GC: variants seen among roughly 807,000 people sequenced by gnomAD.
The protein encoded by GC is GC vitamin D binding protein.
A neutral mutation model predicts 56.7 loss-of-function variants in GC; 43 were observed. The observed-to-expected ratio is 0.76, with a 90% CI of 0.59 to 0.98. The LOEUF (loss-of-function observed/expected upper bound fraction) is 0.98. Ranked by LOEUF, GC falls within the 50% of genes least tolerant of loss-of-function variation. GC has a pLI of 0.00. For synonymous variants in GC, 216 were observed against 202.7 expected, an observed-to-expected ratio of 1.07 and a Z score of -0.56; for missense variants, 529 against 545.9, an observed-to-expected ratio of 0.97 and a Z score of 0.31.
chr4:71,779,437 A>C (rs904787705), intron 1 of GC, among the ~76,000 whole-genome samples: 1 of 151,852 alleles, frequency 6.6e-6, no homozygotes, highest in Admixed American at 6.6e-5. Context: ...AGCTATGAGA[A>C]TATCTGGACA....
At chr4:71,802,251 C>T (rs1183694572) in intron 1 of GC, among the ~76,000 whole-genome samples, 16 of 152,194 alleles carry the variant, frequency 1.1e-4, no homozygotes, top group Non-Finnish European at 4.4e-5. Context: ...TTAATCAATG[C>T]AATTAGTGCT....
chr4:71,767,732 G>A (rs113674003), intron 3 of GC, among the ~76,000 whole-genome samples: 2 of 151,510 alleles, frequency 1.3e-5, no homozygotes, highest in South Asian at 4.2e-4. Context: ...TTCTTTAGGG[G>A]TGATTTCTGA....
Position 71,755,037 on chromosome 4 carries a change from G to A in GC, c.1105C>T (p.Leu369=). The A allele has an allele frequency of 1.2e-6, 2 of 1,600,576 alleles. No homozygotes were observed. Among genetic ancestry groups the A allele is most frequent in the East Asian group, 2.2e-5 (1 of 44,582 alleles). ...VFLSKVLEPT[L]KSLGECCDVE... is the part of the protein sequence containing the mutation. ...TCACAGCATTCACCAAGGCTTTTTA[G>A]GGTTGGCTCAAGTACCTTACTGAGG... is the stretch of plus-strand genomic sequence containing the variant. Residue 369 remains leucine, a synonymous_variant, in exon 9 of 13, where the codon CTA becomes TTA. Coordinates refer to ENST00000273951, the MANE Select transcript of GC (RefSeq NM_000583.4).
chr4:71,753,369 G>A (rs1257244492), intron 10 of GC, among the ~76,000 whole-genome samples: 1 of 152,106 alleles, frequency 6.6e-6, no homozygotes, highest in Non-Finnish European at 1.5e-5. Context: ...AAGAGTGGAT[G>A]CTGGGAAGGG....
intron 1 of GC, among the ~76,000 whole-genome samples, chr4:71,774,887 T>G (rs1007903164): frequency 6.6e-6 from 1 of 152,016 alleles, no homozygotes; most frequent in African/African-American, 2.4e-5. Flanking sequence ...GTCCATGAGT[T>G]AGAGAATTAC....
At chr4:71,750,958 A>G (rs1741536539) in intron 11 of GC, among the ~76,000 whole-genome samples, 1 of 152,176 alleles carries the variant, frequency 6.6e-6, no homozygotes, top group Admixed American at 6.5e-5. Context: ...CATTTAACCT[A>G]AGTATCATTT....
intron 6 of GC, among the ~76,000 whole-genome samples, chr4:71,759,951 C>G (rs1366953313): frequency 6.6e-6 from 1 of 151,874 alleles, no homozygotes; most frequent in Non-Finnish European, 1.5e-5. Context: ...ACTACTATCT[C>G]TACGTAAAAG....
chr4:71,756,756 T>A lies in GC; in HGVS notation c.990A>T (p.Thr330=). Residue 330 remains threonine (T), a synonymous_variant, in exon 8 of 13, where the codon ACA becomes ACT. Transcript: ENST00000273951. ...TTCCTGGATCACACACATCTTTGTT[T>A]GTGGGCAACTCTACATCTGGAAGCT... ...LPELPDVELP[T]NKDVCDPGNT... is the part of the protein sequence containing the mutation. 1 of 1,613,972 alleles carries A rather than the reference T, an allele frequency of 6.2e-7. No individual in the cohort carries two copies. Among genetic ancestry groups the A allele is most frequent in the Non-Finnish European group, 8.5e-7 (1 of 1,179,900 alleles).
Position 71,765,476 on chromosome 4 carries a change from TTCA to T in GC, c.426_428del (p.Asp142del), listed in dbSNP as rs748592150. ...GATCTTTCCTGAACGCCTCACAGAT[TTCA>T]TCATTTGTGGGTTCCACGTAGGTAG... On this transcript the variant is annotated inframe_deletion, in exon 4 of 13. Transcript: ENST00000273951. 1 of 1,613,882 alleles carries T rather than the reference TTCA, an allele frequency of 6.2e-7. No homozygotes were observed. The highest frequency in any genetic ancestry group is 8.5e-7 in the Non-Finnish European group (1 of 1,179,906).
upstream of GC, chr4:71,784,204 A>G: frequency 1.6e-6 from 2 of 1,286,686 alleles, no homozygotes; most frequent in Non-Finnish European, 2.0e-6. Context: ...CTTTGGCCCA[A>G]AAGAGATAAA....
intron 1 of GC, among the ~76,000 whole-genome samples, chr4:71,803,237 C>T (rs1195984278): frequency 6.6e-6 from 1 of 152,110 alleles, no homozygotes; most frequent in Admixed American, 6.5e-5. Context: ...TTGTGTGATG[C>T]CATACCTGTA....
rs540564990 is a variant in GC at position 71,800,457 on chromosome 4, A to G, written c.21+3469T>C. ...TAGTATCCCATGGTGTAAATGTACC[A>G]TCTTTTCTTTATGCAGTCTGTCACT... On this transcript the variant is annotated intron_variant, in intron 1 of 13. Coordinates refer to the GC transcript ENST00000504199. Among the ~76,000 whole-genome samples, 3 of 152,294 alleles carry G rather than the reference A, an allele frequency of 2.0e-5. No individual in the cohort carries two copies. In the South Asian group the frequency reaches 6.2e-4, roughly 32 times the overall value.
At chr4:71,802,338 T>G (rs939782932) in intron 1 of GC, among the ~76,000 whole-genome samples, 4 of 152,212 alleles carry the variant, frequency 2.6e-5, no homozygotes, top group Non-Finnish European at 5.9e-5. Context: ...TCTAGGATTA[T>G]GCACATGCAA....
chr4:71,800,615 T>C (rs964309317), intron 1 of GC, among the ~76,000 whole-genome samples: 2 of 152,204 alleles, frequency 1.3e-5, no homozygotes, highest in South Asian at 2.1e-4. Flanking sequence ...GATTGCTGGG[T>C]CAAACAGTAT....
At chr4:71,764,084 C>T (rs541561696) in intron 4 of GC, 148 bp from the exon 5 acceptor site, 8 of 608,572 alleles carry the variant, frequency 1.3e-5, no homozygotes, top group South Asian at 4.1e-5. Flanking sequence ...TGGCCTCAAG[C>T]GATCCTCCTG....
chr4:71,763,978 A>G (rs781691423), intron 4 of GC, 42 bp from the exon 5 acceptor site: 3 of 1,515,512 alleles, frequency 2.0e-6, no homozygotes, highest in Non-Finnish European at 2.7e-6. Flanking sequence ...ATTTGTGAAT[A>G]AACAAAATCT....
intron 11 of GC, among the ~76,000 whole-genome samples, chr4:71,750,962 A>G (rs1483051056): frequency 6.6e-6 from 1 of 152,208 alleles, no homozygotes; most frequent in African/African-American, 2.4e-5. Context: ...TAACCTAAGT[A>G]TCATTTGGTA....
chr4:71,752,238 C>G (rs1741579514), intron 11 of GC, among the ~76,000 whole-genome samples: 1 of 152,136 alleles, frequency 6.6e-6, no homozygotes, highest in Non-Finnish European at 1.5e-5. Context: ...TTGTAAAACA[C>G]TACACATACT....
At chr4:71,778,945 A>G (rs1352306575) in intron 1 of GC, among the ~76,000 whole-genome samples, 1 of 144,838 alleles carries the variant, frequency 6.9e-6, no homozygotes, top group Admixed American at 7.0e-5. Flanking sequence ...GTTCATGATC[A>G]TTTTTATACA....
Sources: gnomAD v4.1 joint callset for allele counts (sites outside exome capture counted in the v4.1 genomes callset) on GRCh38, gnomAD v4.1.1 for gene constraint, MANE v1.5 for transcripts, NCBI Gene and HGNC (gene_info 2026-07-23, HGNC 2026-07-21) for gene names.